The following INPP4B variants were observed in gnomAD, a reference collection of about 807,000 sequenced individuals.
INPP4B encodes the protein inositol polyphosphate 4-phosphatase type II.
INPP4B carries 55 observed loss-of-function variants against 122.5 expected under a neutral mutation model. The ratio of observed to expected loss-of-function variants is 0.45; its 90% confidence interval spans 0.36 to 0.56. INPP4B has a LOEUF of 0.56. Among genes scored for constraint, INPP4B ranks in the 20% least tolerant of loss-of-function variants. INPP4B has a pLI of 0.00. For synonymous variants in INPP4B, 403 were observed against 388.7 expected (o/e 1.04, Z -0.43); for missense variants, 1,000 against 1,097.7 (o/e 0.91, Z 1.26).
chr4:142,068,351 C>G (rs1181657986), intron 25 of INPP4B, among the ~76,000 whole-genome samples: 7 of 152,164 alleles, frequency 4.6e-5, no homozygotes, highest in African/African-American at 1.7e-4. Flanking sequence ...TGAAAAGGAA[C>G]AATCAGTACC....
intron 23 of INPP4B, among the ~76,000 whole-genome samples, chr4:142,091,438 G>C (rs796702252): frequency 2.0e-5 from 3 of 152,238 alleles, no homozygotes; most frequent in African/African-American, 4.8e-5. Flanking sequence ...GGCAGAAAAG[G>C]CTACATTATT....
chr4:142,038,702 G>A (rs1745475097), intron 25 of INPP4B, among the ~76,000 whole-genome samples: 1 of 152,172 alleles, frequency 6.6e-6, no homozygotes, highest in African/African-American at 2.4e-5. Context: ...CACTGGAGAA[G>A]AGGAAAATTT....
intron 2 of INPP4B, among the ~76,000 whole-genome samples, chr4:142,483,971 G>C (rs1029218737): frequency 1.3e-5 from 2 of 151,606 alleles, no homozygotes; most frequent in Admixed American, 1.3e-4. Flanking sequence ...ATCATGAGAG[G>C]ATTAATGCAA....
chr4:142,646,471 T>G (rs1281071647), intron 2 of INPP4B, among the ~76,000 whole-genome samples: 3 of 152,198 alleles, frequency 2.0e-5, no homozygotes, highest in Non-Finnish European at 4.4e-5. Flanking sequence ...CACCTTCCAA[T>G]GCCATGAAGT....
chr4:142,515,619 G>C (rs1042692422), intron 2 of INPP4B, among the ~76,000 whole-genome samples: 1 of 152,046 alleles, frequency 6.6e-6, no homozygotes, highest in African/African-American at 2.4e-5. Flanking sequence ...CCTAGCCCCC[G>C]GCCATTGGAG....
At chr4:142,326,484 T>C (rs1344740367) in intron 7 of INPP4B, among the ~76,000 whole-genome samples, 1 of 152,220 alleles carries the variant, frequency 6.6e-6, no homozygotes, top group Admixed American at 6.5e-5. Flanking sequence ...ATTATTAACA[T>C]ATGAAACACA....
chr4:142,754,865 A>G (rs1408647709), intron 1 of INPP4B, among the ~76,000 whole-genome samples: 1 of 152,060 alleles, frequency 6.6e-6, no homozygotes, highest in Non-Finnish European at 1.5e-5. Context: ...TAGAATTGAG[A>G]GGAGCTAGCA....
At chr4:142,557,636 G>A (rs868171046) in intron 2 of INPP4B, among the ~76,000 whole-genome samples, 30 of 151,846 alleles carry the variant, frequency 2.0e-4, no homozygotes, top group African/African-American at 7.3e-4. Context: ...ATACAGCCTT[G>A]GTAAACATTA....
intron 9 of INPP4B, among the ~76,000 whole-genome samples, chr4:142,273,510 T>C (rs1746915241): frequency 6.6e-6 from 1 of 151,918 alleles, no homozygotes; most frequent in African/African-American, 2.4e-5. Context: ...CTAATTATAA[T>C]GCAAGTGAAT....
At chr4:142,640,550 A>C (rs1750162245) in intron 2 of INPP4B, among the ~76,000 whole-genome samples, 1 of 152,106 alleles carries the variant, frequency 6.6e-6, no homozygotes, top group Non-Finnish European at 1.5e-5. Flanking sequence ...ATATAACATC[A>C]ACAATTTAGC....
intron 2 of INPP4B, among the ~76,000 whole-genome samples, chr4:142,661,498 A>G (rs953355774): frequency 4.6e-5 from 7 of 152,236 alleles, no homozygotes; most frequent in African/African-American, 1.7e-4. Context: ...TAGAATTTGA[A>G]AAATAGGTTA....
At chr4:142,585,284 A>G (rs1422650548) in intron 2 of INPP4B, among the ~76,000 whole-genome samples, 18 of 152,160 alleles carry the variant, frequency 1.2e-4, no homozygotes, top group Non-Finnish European at 8.8e-5. Flanking sequence ...TAGTTATTTA[A>G]TACTGCCTAT....
At chr4:142,791,307 G>GTTTCA (rs1215168755) in intron 1 of INPP4B, among the ~76,000 whole-genome samples, 5 of 152,038 alleles carry the variant, frequency 3.3e-5, no homozygotes, top group East Asian at 1.9e-4. Context: ...AAGAGCTTTT[G>GTTTCA]TTTCATTTCA....
rs182061607 is a variant in INPP4B at position 142,526,123 on chromosome 4, C to A, written c.-190-63397G>T. 5.1e-4 allele frequency among the ~76,000 whole-genome samples: 77 copies of A among 151,956 alleles called. No individual in the cohort carries two copies. In the East Asian group the frequency reaches 0.011, roughly 22 times the overall value. On this transcript the variant is annotated intron_variant, in intron 2 of 25. Coordinates refer to ENST00000262992, the MANE Select transcript of INPP4B (RefSeq NM_001101669.3). The stretch of plus-strand genomic sequence containing the variant: ...AACCCAGATTTTAATAGTAGGAATC[C>A]CTGGCCATTAAATATAAAATAGTTA...
rs545692748 is a variant in INPP4B at position 142,337,674 on chromosome 4, T to A, written c.373-22912A>T. Among the ~76,000 whole-genome samples, 497 of 137,590 alleles carry A rather than the reference T, an allele frequency of 3.6e-3. 4 individuals carry two copies. The highest frequency in any genetic ancestry group is 0.012 in the African/African-American group (475 of 39,824). The allele number at this position is 137,590 out of a possible 152,430, so 90.3% of individuals were successfully genotyped here. A position where few individuals can be genotyped will look rare whatever the true frequency, so the allele number is the denominator to read the frequency against. ...TTAATTTGTAGGCATCCTTTATTCA[T>A]TATATATATATTATATATATTATTT... On this transcript the variant is annotated intron_variant, in intron 7 of 25. Transcript: ENST00000262992.
chr4:142,333,589 TATC>T (rs1379153379), intron 7 of INPP4B, among the ~76,000 whole-genome samples: 2 of 152,314 alleles, frequency 1.3e-5, no homozygotes, highest in Admixed American at 6.5e-5. Context: ...TGTAGATAAA[TATC>T]ATATAATTCA....
chr4:142,525,296 G>C (rs1188702297), intron 2 of INPP4B, among the ~76,000 whole-genome samples: 2 of 150,546 alleles, frequency 1.3e-5, no homozygotes, highest in African/African-American at 2.4e-5. Flanking sequence ...TCAATATCGT[G>C]AAAATGGCCA....
At chr4:142,316,683 G>T (rs1279388407) in intron 7 of INPP4B, among the ~76,000 whole-genome samples, 1 of 152,076 alleles carries the variant, frequency 6.6e-6, no homozygotes, top group Non-Finnish European at 1.5e-5. Context: ...AAATTGGTAA[G>T]ATGGTCAATA....
intron 8 of INPP4B, among the ~76,000 whole-genome samples, chr4:142,309,566 T>C (rs1304308302): frequency 2.0e-5 from 3 of 152,162 alleles, no homozygotes; most frequent in Non-Finnish European, 4.4e-5. Context: ...ACAGAACTAG[T>C]TAATCTGCAG....
Sources: gnomAD v4.1 joint callset for allele counts (sites outside exome capture counted in the v4.1 genomes callset) on GRCh38, gnomAD v4.1.1 for gene constraint, MANE v1.5 for transcripts, NCBI Gene and HGNC (gene_info 2026-07-23, HGNC 2026-07-21) for gene names.